SGPL1: variants seen among roughly 807,000 people sequenced by gnomAD.
SGPL1 encodes the protein SP-lyase 1.
SGPL1 carries 37 observed loss-of-function variants against 68.9 expected under a neutral mutation model. The observed-to-expected ratio is 0.54, with a 90% CI of 0.41 to 0.71. SGPL1 has a LOEUF of 0.71. SGPL1 is among the 30% of genes least tolerant of loss of function. SGPL1 has a pLI of 0.00. For synonymous variants in SGPL1, 236 were observed against 248.5 expected, an observed-to-expected ratio of 0.95 and a Z score of 0.47; for missense variants, 551 against 704.6, an observed-to-expected ratio of 0.78 and a Z score of 2.47.
chr10:70,844,899 C>T (rs377189911), intron 3 of SGPL1, among the ~76,000 whole-genome samples: 120 of 152,156 alleles, frequency 7.9e-4, no homozygotes, highest in African/African-American at 2.8e-3. Flanking sequence ...GCCACCACGC[C>T]CAGCTAATTT....
At chr10:70,850,142 G>T (rs1845855767) in intron 3 of SGPL1, among the ~76,000 whole-genome samples, 1 of 152,154 alleles carries the variant, frequency 6.6e-6, no homozygotes, top group African/African-American at 2.4e-5. Context: ...TCTATGTACT[G>T]CCTGACAGAG....
Position 70,854,713 on chromosome 10 carries a change from A to T in SGPL1, c.267A>T (p.Gln89His), listed in dbSNP as rs749176382. 40 of 1,608,950 alleles carry T rather than the reference A, an allele frequency of 2.5e-5. 2 individuals carry two copies. The South Asian group carries it at 4.5e-4, about 18-fold the overall frequency. ...TGTCTTTCTTACCTTTGGAGATTCA[A>T]GACAAGTTGAACAAGACCAAGGATG... Reference protein sequence around the residue: ...RKMPIIGRKIQDKLNKTKDDI... With the variant: ...RKMPIIGRKIHDKLNKTKDDI... Residue 89 changes from glutamine to histidine, a missense_variant, in exon 5 of 15, where the codon CAA (glutamine) becomes CAT (histidine). By Grantham distance (24) the Gln-to-His change is conservative. Coordinates refer to ENST00000373202, the MANE Select transcript of SGPL1 (RefSeq NM_003901.4).
chr10:70,872,103 T>A (rs1846308398), intron 11 of SGPL1, 117 bp downstream of exon 11: 2 of 1,053,728 alleles, frequency 1.9e-6, no homozygotes, highest in Admixed American at 5.5e-5. Flanking sequence ...CATCAGATGC[T>A]TGTTTTAAAC....
intron 2 of SGPL1, among the ~76,000 whole-genome samples, chr10:70,835,483 A>G (rs1845610944): frequency 6.6e-6 from 1 of 152,072 alleles, no homozygotes; most frequent in African/African-American, 2.4e-5. Context: ...CATGCCTGTA[A>G]TCCCAGCTCT....
intron 3 of SGPL1, among the ~76,000 whole-genome samples, chr10:70,849,930 C>T (rs140052198): frequency 1.6e-4 from 24 of 152,314 alleles, no homozygotes; most frequent in African/African-American, 5.5e-4. Context: ...TGGCCTTGAG[C>T]AAGTTTTGAT....
At position 70,873,340 on chromosome 10, in the gene SGPL1, T is replaced by A; in HGVS notation, c.1060-11T>A. On this transcript the variant is annotated splice_polypyrimidine_tract_variant and intron_variant, in intron 11 of 14. Transcript: ENST00000373202. ...TACTCTCACTTTTCTTGTCTGCTAC[T>A]TCTTCCACAGTATGGCTATGCCCCA... 6.2e-7 allele frequency: 1 copy of A among 1,601,740 alleles called. No homozygotes were observed. The highest frequency in any genetic ancestry group is 8.6e-7 in the Non-Finnish European group (1 of 1,168,624).
At chr10:70,852,776 A>G (rs1237234257) in intron 4 of SGPL1, among the ~76,000 whole-genome samples, 1 of 152,226 alleles carries the variant, frequency 6.6e-6, no homozygotes, top group African/African-American at 2.4e-5. Flanking sequence ...CACTTAACAC[A>G]TGCTTATTGA....
intron 7 of SGPL1, 115 bp downstream of exon 7, chr10:70,859,614 C>T: frequency 2.3e-6 from 1 of 437,224 alleles, no homozygotes; most frequent in South Asian, 1.0e-4. Flanking sequence ...TATTTTACTA[C>T]ACAAGAAATA....
chr10:70,839,631 C>T (rs544121893), intron 2 of SGPL1, among the ~76,000 whole-genome samples: 1 of 152,080 alleles, frequency 6.6e-6, no homozygotes, highest in East Asian at 1.9e-4. Context: ...ATTCATAGTT[C>T]ATATATTTCC....
chr10:70,868,391 A>G lies in SGPL1; in HGVS notation c.662A>G (p.Tyr221Cys), dbSNP rs572709658. ...TESILMACKA[Y>C]RDLAFEKGIK... ...AGCATACTGATGGCCTGCAAAGCAT[A>G]TCGGGATCTGGCCTTTGAGAAGGGG... is the stretch of plus-strand genomic sequence containing the variant. The change falls in exon 8 of 15, where the codon TAT becomes TGT. Residue 221 changes from tyrosine (Y) to cysteine (C), a missense_variant. Physicochemically the swap from Tyr to Cys is radical, Grantham distance 194. Coordinates refer to ENST00000373202, the MANE Select transcript of SGPL1 (RefSeq NM_003901.4). 6.2e-7 allele frequency: 1 copy of G among 1,613,920 alleles called. No homozygotes were observed. The highest frequency in any genetic ancestry group is 1.1e-5 in the South Asian group (1 of 91,076).
intron 2 of SGPL1, among the ~76,000 whole-genome samples, chr10:70,824,505 A>G (rs866912526): frequency 6.6e-6 from 1 of 152,258 alleles, no homozygotes; most frequent in African/African-American, 2.4e-5. Context: ...ATTGAACTTC[A>G]TGGCTCATTA....
chr10:70,828,053 T>G (rs146343355), intron 2 of SGPL1, among the ~76,000 whole-genome samples: 1 of 152,238 alleles, frequency 6.6e-6, no homozygotes, highest in Admixed American at 6.5e-5. Context: ...CATTTATGTT[T>G]CTAGTTTTTT....
At chr10:70,856,893 A>G (rs1176142668) in intron 5 of SGPL1, among the ~76,000 whole-genome samples, 1 of 152,198 alleles carries the variant, frequency 6.6e-6, no homozygotes, top group Non-Finnish European at 1.5e-5. Context: ...GGAGAGAGGA[A>G]AGTGGAAAGT....
At chr10:70,868,526 C>T in intron 8 of SGPL1, 93 bp downstream of exon 8, 1 of 989,824 alleles carries the variant, frequency 1.0e-6, no homozygotes, top group Non-Finnish European at 1.6e-6. Context: ...TTTCCTGCTG[C>T]TTCTCTTCCT....
Position 70,851,131 on chromosome 10 carries a change from T to G in SGPL1, c.194-12T>G. 2 of 1,608,748 alleles carry G rather than the reference T, an allele frequency of 1.2e-6. No individual in the cohort carries two copies. The highest frequency in any genetic ancestry group is 2.2e-5 in the South Asian group (2 of 90,970). On this transcript the variant is annotated splice_polypyrimidine_tract_variant and intron_variant, in intron 3 of 14. Coordinates refer to ENST00000373202, the MANE Select transcript of SGPL1 (RefSeq NM_003901.4). ...AATTTATTTGAATAAGAGAACCATT[T>G]GTTTCTTTTAGGTTTATGGTCAAGG...
At chr10:70,862,669 A>T (rs1379050091) in intron 7 of SGPL1, among the ~76,000 whole-genome samples, 1 of 152,094 alleles carries the variant, frequency 6.6e-6, no homozygotes, top group Non-Finnish European at 1.5e-5. Flanking sequence ...ACCGGGAGGA[A>T]CGAACAACTC....
intron 2 of SGPL1, among the ~76,000 whole-genome samples, chr10:70,838,450 ATAGCTGTGGTC>A: frequency 6.6e-6 from 1 of 152,244 alleles, no homozygotes; most frequent in Non-Finnish European, 1.5e-5. Context: ...ATCATTGGGG[ATAGCTGTGGTC>A]TACTGTCAGT....
chr10:70,869,854 T>C lies in SGPL1; in HGVS notation c.767T>C (p.Ile256Thr), dbSNP rs767755726. 5 of 1,614,044 alleles carry C rather than the reference T, an allele frequency of 3.1e-6. No homozygotes were observed. Among genetic ancestry groups the C allele is most frequent in the Non-Finnish European group, 4.2e-6 (5 of 1,179,970 alleles). ...NKAASYFGMK[I>T]VRVPLTKMME... ...GCAGCCAGTTACTTTGGGATGAAGA[T>C]TGTGCGGGTCCCATTGACGAAGATG... The change falls in exon 9 of 15, where the codon ATT becomes ACT. Residue 256 changes from isoleucine to threonine, a missense_variant. Transcript: ENST00000373202.
In SGPL1 at chr10:70,874,843, T is replaced by C. The variant is rs183303424; in HGVS notation, c.1299-559T>C. On this transcript the variant is annotated intron_variant, in intron 12 of 14. Coordinates refer to ENST00000373202, the MANE Select transcript of SGPL1 (RefSeq NM_003901.4). ...CTTGAACAGCCCAGGAATTTGAGGTTACAGTGAGCTATGATCACACCACTG... is the reference window on the plus strand; with the variant it reads ...CTTGAACAGCCCAGGAATTTGAGGTCACAGTGAGCTATGATCACACCACTG... 2.7e-3 allele frequency among the ~76,000 whole-genome samples: 409 copies of C among 152,318 alleles called. 4 individuals carry two copies. Among genetic ancestry groups the C allele is most frequent in the African/African-American group, 9.3e-3 (388 of 41,566 alleles).
Sources: allele counts gnomAD v4.1 joint callset (sites outside exome capture counted in the v4.1 genomes callset), GRCh38; gene constraint gnomAD v4.1.1; transcripts MANE v1.5; gene names NCBI Gene and HGNC (gene_info 2026-07-23, HGNC 2026-07-21).